WLS: variants seen among roughly 807,000 people sequenced by gnomAD.
WLS encodes Wnt ligand secretion mediator, also known as protein wntless homolog.
In WLS, 23 loss-of-function variants were observed where a neutral mutation model predicts 62.8. That is an observed-to-expected ratio of 0.37 (90% CI 0.26 to 0.52). WLS has a LOEUF of 0.52. Among genes scored for constraint, WLS ranks in the 20% least tolerant of loss-of-function variants. The pLI, the probability that WLS is intolerant of heterozygous loss-of-function variation, is 0.92. For missense variants in WLS, 615 were observed against 697.3 expected (o/e 0.88, Z 1.33); for synonymous variants, 246 against 244.1 (o/e 1.01, Z -0.07).
intron 1 of WLS, among the ~76,000 whole-genome samples, chr1:68,213,124 A>C (rs546134283): frequency 1.1e-4 from 17 of 152,278 alleles, no homozygotes; most frequent in African/African-American, 4.1e-4. Flanking sequence ...TTATTTGCCA[A>C]GGGAAAGCAT....
At chr1:68,201,274 T>C (rs1435649877) in intron 1 of WLS, among the ~76,000 whole-genome samples, 2 of 152,218 alleles carry the variant, frequency 1.3e-5, no homozygotes, top group African/African-American at 4.8e-5. Context: ...GCCATACCAC[T>C]TATCTAAGTT....
chr1:68,113,185 T>A lies in WLS; in HGVS notation c.1511-14432A>T, dbSNP rs544054129. ...ATATCCTGAGTCATCCAACCTCGCA[T>A]GTCCGTAAAAATATCCGTATCCTTA... On this transcript the variant is annotated intron_variant, in intron 11 of 11. Transcript: ENST00000354777. Among the ~76,000 whole-genome samples the A allele has an allele frequency of 1.1e-4, 17 of 152,328 alleles. No individual in the cohort carries two copies. In the South Asian group the frequency reaches 3.1e-3, roughly 28 times the overall value.
chr1:68,186,947 C>T (rs1647981700), intron 2 of WLS, among the ~76,000 whole-genome samples: 1 of 151,948 alleles, frequency 6.6e-6, no homozygotes, highest in African/African-American at 2.4e-5. Flanking sequence ...CATGGTAGCT[C>T]ACGCCTGTAA....
chr1:68,179,176 A>T (rs1647407329), intron 2 of WLS, among the ~76,000 whole-genome samples: 1 of 152,210 alleles, frequency 6.6e-6, no homozygotes, highest in South Asian at 2.1e-4. Context: ...TATCTTCTAG[A>T]ATGGTTTTCA....
At chr1:68,098,629 G>A in exon 12 of WLS, 1 of 1,613,476 alleles carries the variant, frequency 6.2e-7, no homozygotes, top group Non-Finnish European at 8.5e-7. Flanking sequence ...TTGCCTTGTT[G>A]ACTCAAATAC....
intron 2 of WLS, among the ~76,000 whole-genome samples, chr1:68,180,174 T>G (rs1184386686): frequency 6.6e-6 from 1 of 151,764 alleles, no homozygotes; most frequent in African/African-American, 2.4e-5. Flanking sequence ...ACCAACCATC[T>G]TCTGCTTGAC....
Position 68,125,941 on chromosome 1 carries a change from A to C in WLS, c.*285T>G. ...CACCCCCACATGAGGTTTACTAACC[A>C]GCTGCTACAGATGTTACTATGTCAC... On this transcript the variant is annotated 3_prime_UTR_variant, in exon 12 of 12. Transcript: ENST00000262348. The C allele has an allele frequency of 8.9e-7, 1 of 1,124,020 alleles. No individual in the cohort carries two copies. The highest frequency in any genetic ancestry group is 4.7e-5 in the Admixed American group (1 of 21,454). The allele number at this position is 1,124,020 out of a possible 1,614,324, so 69.6% of individuals were successfully genotyped here. A position where few individuals can be genotyped will look rare whatever the true frequency, so the allele number is the denominator to read the frequency against.
intron 1 of WLS, among the ~76,000 whole-genome samples, chr1:68,214,572 G>C (rs544609445): frequency 1.3e-4 from 20 of 152,206 alleles, no homozygotes; most frequent in Admixed American, 5.9e-4. Flanking sequence ...CACCATGTTA[G>C]CCAGGCTAGT....
At chr1:68,203,623 G>A (rs1334786829) in intron 1 of WLS, among the ~76,000 whole-genome samples, 1 of 152,182 alleles carries the variant, frequency 6.6e-6, no homozygotes, top group African/African-American at 2.4e-5. Flanking sequence ...CCGGGTCTTG[G>A]TTATGACTTC....
chr1:68,184,919 G>A (rs554477887), intron 2 of WLS, among the ~76,000 whole-genome samples: 6 of 149,262 alleles, frequency 4.0e-5, no homozygotes, highest in African/African-American at 7.4e-5. Flanking sequence ...GTTGAACTCC[G>A]AGTGAGGGGA....
chr1:68,103,622 G>A (rs945350562), intron 11 of WLS, among the ~76,000 whole-genome samples: 28 of 152,128 alleles, frequency 1.8e-4, no homozygotes, highest in African/African-American at 3.9e-4. Flanking sequence ...TCCTATAATT[G>A]TAGTTTGTAG....
At chr1:68,163,142 G>C in intron 2 of WLS, 1 of 1,184,124 alleles carries the variant, frequency 8.4e-7, no homozygotes, top group South Asian at 1.4e-5. Flanking sequence ...AGTCCTCTAA[G>C]AACTTAGGGG....
chr1:68,189,640 GAAGT>G (rs921140764), intron 2 of WLS, among the ~76,000 whole-genome samples: 4 of 152,312 alleles, frequency 2.6e-5, no homozygotes, highest in African/African-American at 9.6e-5. Context: ...CCAAGGTGTA[GAAGT>G]AAGAATTGGA....
At chr1:68,162,009 G>T (rs12029634) in intron 2 of WLS, 1,196,312 of 1,594,582 alleles carry the variant, frequency 0.75, 455,960 homozygotes, top group Admixed American at 0.81. Context: ...ATGTGACAGA[G>T]AATTCCTTGT....
At chr1:68,226,602 A>G (rs1650150752) in intron 1 of WLS, among the ~76,000 whole-genome samples, 1 of 152,100 alleles carries the variant, frequency 6.6e-6, no homozygotes, top group African/African-American at 2.4e-5. Context: ...ATGCTAGAAA[A>G]CTACATCCTA....
chr1:68,151,961 TC>T (rs1249575417), intron 5 of WLS, among the ~76,000 whole-genome samples: 3 of 152,124 alleles, frequency 2.0e-5, no homozygotes, highest in Non-Finnish European at 4.4e-5. Context: ...TTCCCACTGA[TC>T]CAGGTGAGAA....
chr1:68,134,654 A>G (rs1646579288), intron 11 of WLS, among the ~76,000 whole-genome samples: 1 of 152,250 alleles, frequency 6.6e-6, no homozygotes, highest in African/African-American at 2.4e-5. Flanking sequence ...TGTCCCAGTT[A>G]TAGTCACAAA....
chr1:68,179,371 T>C (rs1329821275), intron 2 of WLS, among the ~76,000 whole-genome samples: 1 of 152,112 alleles, frequency 6.6e-6, no homozygotes, highest in African/African-American at 2.4e-5. Context: ...GCCCTGTCAA[T>C]AGACTCATGG....
intron 2 of WLS, among the ~76,000 whole-genome samples, chr1:68,168,988 G>A (rs1229494505): frequency 1.3e-5 from 2 of 152,200 alleles, no homozygotes. Flanking sequence ...ACAGGCCTGG[G>A]TGTGAGTGGT....
Sources: gnomAD v4.1 joint callset for allele counts (sites outside exome capture counted in the v4.1 genomes callset) on GRCh38, gnomAD v4.1.1 for gene constraint, MANE v1.5 for transcripts, NCBI Gene and HGNC (gene_info 2026-07-23, HGNC 2026-07-21) for gene names.